Variants in CRYBG1 observed in about 807,000 individuals in gnomAD.
CRYBG1 encodes crystallin beta-gamma domain containing 1.
A neutral mutation model predicts 189.2 loss-of-function variants in CRYBG1; 139 were observed. That is an observed-to-expected ratio of 0.73 (90% CI 0.64 to 0.85). The LOEUF (loss-of-function observed/expected upper bound fraction) is 0.85, where lower values mean the gene tolerates loss of function less well. Among genes scored for constraint, CRYBG1 ranks in the 40% least tolerant of loss-of-function variants. The pLI is 0.00. For missense variants in CRYBG1, 2,611 were observed against 2,675.8 expected (o/e 0.98, Z 0.53); for synonymous variants, 1,023 against 1,017.1 (o/e 1.01, Z -0.11).
intron 17 of CRYBG1, among the ~76,000 whole-genome samples, chr6:106,556,645 A>G (rs772359578): frequency 3.9e-5 from 6 of 152,198 alleles, no homozygotes; most frequent in Non-Finnish European, 8.8e-5. Flanking sequence ...TTGAGATATT[A>G]AAGTCTGGAA....
intron 1 of CRYBG1, among the ~76,000 whole-genome samples, chr6:106,444,431 G>A (rs924985668): frequency 4.6e-5 from 7 of 152,168 alleles, no homozygotes; most frequent in South Asian, 2.1e-4. Flanking sequence ...CACAGACCTC[G>A]GTTCCTCAGT....
chr6:106,551,762 A>G (rs187133883), intron 13 of CRYBG1, 90 bp from the exon 14 acceptor site: 359 of 1,401,476 alleles, frequency 2.6e-4, no homozygotes, highest in Non-Finnish European at 3.4e-4. Context: ...AAACAAATGA[A>G]AGTTTCTGTA....
At chr6:106,426,752 G>T (rs1413705059) in intron 1 of CRYBG1, among the ~76,000 whole-genome samples, 2 of 152,146 alleles carry the variant, frequency 1.3e-5, no homozygotes, top group East Asian at 3.8e-4. Context: ...CACCAGGCAT[G>T]CTCGTTAATT....
intron 1 of CRYBG1, among the ~76,000 whole-genome samples, chr6:106,415,261 C>T (rs1771000668): frequency 6.6e-6 from 1 of 152,168 alleles, no homozygotes; most frequent in African/African-American, 2.4e-5. Flanking sequence ...CATTATTTTG[C>T]TTTTGCATAG....
chr6:106,449,084 A>G (rs895519730), intron 1 of CRYBG1, among the ~76,000 whole-genome samples: 4 of 152,206 alleles, frequency 2.6e-5, no homozygotes, highest in African/African-American at 7.2e-5. Flanking sequence ...ATTTCCAGGC[A>G]AAAGGATCCT....
At chr6:106,427,272 A>C (rs77588348) in intron 1 of CRYBG1, among the ~76,000 whole-genome samples, 2,481 of 152,212 alleles carry the variant, frequency 0.016, 58 homozygotes, top group African/African-American at 0.049. Flanking sequence ...CAGCCTCTCG[A>C]CTTGAATGTC....
chr6:106,388,508 C>T (rs1266124526), intron 1 of CRYBG1, among the ~76,000 whole-genome samples: 3 of 152,008 alleles, frequency 2.0e-5, no homozygotes, highest in Admixed American at 2.0e-4. Context: ...AGCAAAGGCT[C>T]TTATGGTTTA....
chr6:106,493,604 G>C (rs930220328), intron 2 of CRYBG1, among the ~76,000 whole-genome samples: 3 of 152,208 alleles, frequency 2.0e-5, no homozygotes, highest in Non-Finnish European at 4.4e-5. Context: ...TCCATCAACA[G>C]ATAAATGGAT....
chr6:106,488,805 T>G (rs934339822), intron 2 of CRYBG1, among the ~76,000 whole-genome samples: 11 of 152,126 alleles, frequency 7.2e-5, no homozygotes, highest in African/African-American at 2.4e-4. Context: ...GCTGGGGTAC[T>G]GGTATTGTAG....
intron 2 of CRYBG1, among the ~76,000 whole-genome samples, chr6:106,471,385 G>T (rs1772230043): frequency 6.6e-6 from 1 of 152,170 alleles, no homozygotes; most frequent in Non-Finnish European, 1.5e-5. Context: ...ACCAATGTGT[G>T]GGTCTTCTTT....
chr6:106,516,975 G>A (rs571203962), intron 3 of CRYBG1, among the ~76,000 whole-genome samples: 19 of 140,494 alleles, frequency 1.4e-4, no homozygotes, highest in South Asian at 4.6e-4. Flanking sequence ...TATCTCTCCC[G>A]TTTTATAAAC....
intron 2 of CRYBG1, among the ~76,000 whole-genome samples, chr6:106,452,244 T>TAAAA (rs368102917): frequency 6.4e-5 from 7 of 108,812 alleles, no homozygotes; most frequent in Admixed American, 9.0e-5. Flanking sequence ...CAGACTCTAC[T>TAAAA]AAAAAAAAAA....
Position 106,511,703 on chromosome 6 carries a change from G to A in CRYBG1, c.586G>A (p.Glu196Lys). 3 of 1,535,610 alleles carry A rather than the reference G, an allele frequency of 2.0e-6. No homozygotes were observed. Among genetic ancestry groups the A allele is most frequent in the Non-Finnish European group, 2.6e-6 (3 of 1,146,668 alleles). ...GGAGAATCCCCGAGAGGCAGAGGGC[G>A]AGCTCCCCGAGAGCGGTGGCCCCGC... is the stretch of plus-strand genomic sequence containing the variant. The part of the protein sequence containing the change: ...PRENPREAEG[E>K]LPESGGPAAP... The change falls in exon 3 of 22, where the codon GAG becomes AAG. Residue 196 changes from glutamate (E) to lysine (K), a missense_variant. Physicochemically the swap from Glu to Lys is moderately conservative, Grantham distance 56. Coordinates refer to ENST00000633556, the MANE Select transcript of CRYBG1 (RefSeq NM_001371242.2).
chr6:106,551,979 G>T lies in CRYBG1; in HGVS notation c.5439+1G>T. 6 of 1,595,702 alleles carry T rather than the reference G, an allele frequency of 3.8e-6. No individual in the cohort carries two copies. The highest frequency in any genetic ancestry group is 5.1e-6 in the Non-Finnish European group (6 of 1,173,044). ...CTCTTCTGTTCAACCTATATGTTTG[G>T]TAAGGAGTTATATTTTTGTATGAGA... On this transcript the variant is annotated splice_donor_variant, in intron 14 of 21. Transcript: ENST00000633556. LOFTEE classifies it high-confidence loss of function.
rs58618793 is a variant in CRYBG1 at position 106,551,782 on chromosome 6, G to A, written c.5313-70G>A. 768 of 1,473,138 alleles carry A rather than the reference G, an allele frequency of 5.2e-4. 4 individuals carry two copies. In the African/African-American group the frequency reaches 0.01, roughly 19 times the overall value. 91.3% of individuals were successfully genotyped at this position (1,473,138 alleles called of 1,614,324 possible). On this transcript the variant is annotated intron_variant, in intron 13 of 21. Transcript: ENST00000633556. ...AATGAAAGTTTCTGTATGATACATA[G>A]ATATCCAAATATGTGATCGTTTTAT...
chr6:106,483,343 G>A (rs1451272890), intron 2 of CRYBG1, among the ~76,000 whole-genome samples: 1 of 142,420 alleles, frequency 7.0e-6, no homozygotes, highest in African/African-American at 2.5e-5. Context: ...TTTTATGCCT[G>A]CATAGTATTC....
chr6:106,555,961 G>A, intron 17 of CRYBG1, 64 bp downstream of exon 17: 1 of 1,585,196 alleles, frequency 6.3e-7, no homozygotes, highest in Non-Finnish European at 8.7e-7. Context: ...TGGTCAGAGT[G>A]AGGTAACCAG....
chr6:106,466,589 A>G (rs1174902726), intron 2 of CRYBG1, among the ~76,000 whole-genome samples: 1 of 152,258 alleles, frequency 6.6e-6, no homozygotes, highest in African/African-American at 2.4e-5. Flanking sequence ...AACTTAATCT[A>G]AACCAAGCCT....
chr6:106,515,853 C>A (rs1455082200), intron 3 of CRYBG1, among the ~76,000 whole-genome samples: 1 of 151,638 alleles, frequency 6.6e-6, no homozygotes, highest in East Asian at 1.9e-4. Flanking sequence ...AGTGCAGTGG[C>A]ATGATCATGG....
Sources: gnomAD v4.1 joint callset for allele counts (sites outside exome capture counted in the v4.1 genomes callset) on GRCh38, gnomAD v4.1.1 for gene constraint, MANE v1.5 for transcripts, NCBI Gene and HGNC (gene_info 2026-07-23, HGNC 2026-07-21) for gene names.